Variants in COG5 observed in about 807,000 individuals in gnomAD.
COG5 encodes component of oligomeric golgi complex 5, also known as conserved oligomeric Golgi complex subunit 5.
In COG5, 86 loss-of-function variants were observed where a neutral mutation model predicts 110.4. The observed-to-expected ratio is 0.78, with a 90% confidence interval of 0.65 to 0.93. COG5 has a LOEUF of 0.93. Among genes scored for constraint, COG5 ranks in the 40% least tolerant of loss-of-function variants. COG5 has a pLI of 0.00. For synonymous variants in COG5, 360 were observed against 334.6 expected (o/e 1.08, Z -0.83); for missense variants, 1,077 against 987.0 (o/e 1.09, Z -1.22).
At chr7:107,387,348 A>C (rs1278997676) in intron 7 of COG5, among the ~76,000 whole-genome samples, 1 of 152,112 alleles carries the variant, frequency 6.6e-6, no homozygotes, top group Non-Finnish European at 1.5e-5. Flanking sequence ...GGGAAGGTCC[A>C]CCCAGCCAGC....
intron 19 of COG5, among the ~76,000 whole-genome samples, chr7:107,229,644 C>T (rs999862274): frequency 3.9e-5 from 6 of 152,130 alleles, no homozygotes; most frequent in Non-Finnish European, 7.4e-5. Context: ...TCAGCACTGA[C>T]AAGGACTTTT....
At chr7:107,300,592 T>C (rs1195971227) in intron 11 of COG5, among the ~76,000 whole-genome samples, 1 of 152,122 alleles carries the variant, frequency 6.6e-6, no homozygotes, top group Non-Finnish European at 1.5e-5. Flanking sequence ...ACTAAAAATA[T>C]GAAATACATA....
intron 5 of COG5, among the ~76,000 whole-genome samples, chr7:107,531,257 A>G (rs1337788170): frequency 1.3e-5 from 2 of 152,062 alleles, no homozygotes; most frequent in East Asian, 3.9e-4. Context: ...TTACCTGTAA[A>G]TTAGTAGTTG....
intron 12 of COG5, among the ~76,000 whole-genome samples, chr7:107,296,131 C>T (rs1340428472): frequency 6.6e-6 from 1 of 151,280 alleles, no homozygotes; most frequent in African/African-American, 2.4e-5. Flanking sequence ...ACCTTCCTTC[C>T]TTCCTTCCTT....
At chr7:107,555,624 T>C (rs1173030815) in intron 2 of COG5, among the ~76,000 whole-genome samples, 1 of 152,230 alleles carries the variant, frequency 6.6e-6, no homozygotes, top group Non-Finnish European at 1.5e-5. Context: ...TCACTAGTAA[T>C]ACTTTGGTAA....
At chr7:107,489,055 C>T (rs555791475) in intron 6 of COG5, among the ~76,000 whole-genome samples, 1 of 152,140 alleles carries the variant, frequency 6.6e-6, no homozygotes, top group South Asian at 2.1e-4. Flanking sequence ...TTTCTTGTAT[C>T]TGTAATTAGG....
At chr7:107,402,229 GTCT>G (rs1791487560) in intron 7 of COG5, among the ~76,000 whole-genome samples, 1 of 152,128 alleles carries the variant, frequency 6.6e-6, no homozygotes, top group African/African-American at 2.4e-5. Flanking sequence ...GACCAAGAAG[GTCT>G]TCTGCTTTAG....
At chr7:107,535,931 A>C (rs1331458369) in intron 5 of COG5, among the ~76,000 whole-genome samples, 3 of 152,232 alleles carry the variant, frequency 2.0e-5, no homozygotes, top group African/African-American at 7.2e-5. Flanking sequence ...AACTGAATCC[A>C]GCAGCACATT....
intron 19 of COG5, among the ~76,000 whole-genome samples, chr7:107,220,755 T>C (rs1221667554): frequency 6.6e-6 from 1 of 151,376 alleles, no homozygotes; most frequent in Non-Finnish European, 1.5e-5. Flanking sequence ...GTAGGTCTGG[T>C]GTGCCCAGGC....
At chr7:107,396,065 T>A (rs1016550036) in intron 7 of COG5, among the ~76,000 whole-genome samples, 3 of 152,170 alleles carry the variant, frequency 2.0e-5, no homozygotes, top group Admixed American at 1.3e-4. Context: ...GACAAAATAT[T>A]TAAGGCAGCT....
chr7:107,258,126 A>C, intron 15 of COG5, 147 bp downstream of exon 15: 1 of 625,046 alleles, frequency 1.6e-6, no homozygotes, highest in South Asian at 2.0e-5. Context: ...AGACTGTTTA[A>C]AAGAGTTAAC....
intron 7 of COG5, among the ~76,000 whole-genome samples, chr7:107,387,546 C>T (rs937362805): frequency 2.6e-5 from 4 of 152,242 alleles, no homozygotes; most frequent in Non-Finnish European, 5.9e-5. Flanking sequence ...AGACCTATTT[C>T]TGATGATGGC....
chr7:107,381,037 T>C (rs1407760491), intron 7 of COG5, among the ~76,000 whole-genome samples: 1 of 152,126 alleles, frequency 6.6e-6, no homozygotes, highest in African/African-American at 2.4e-5. Context: ...AATTCCCACA[T>C]AAATTGTGGG....
At position 107,204,596 on chromosome 7, in the gene COG5, A is replaced by G. The variant is rs957128811; in HGVS notation, c.2376-966T>C. 3.9e-5 allele frequency among the ~76,000 whole-genome samples: 6 copies of G among 152,242 alleles called. No individual in the cohort carries two copies. The East Asian group carries it at 1.2e-3, about 29-fold the overall frequency. ...TACCATTACTCAGCTCACATACGAT[A>G]GCACTTAAGTGGTTTTCTTTTGCTC... is the stretch of plus-strand genomic sequence containing the variant. On this transcript the variant is annotated intron_variant, in intron 21 of 21. Transcript: ENST00000297135.
chr7:107,462,392 G>A (rs1436452055), intron 6 of COG5, among the ~76,000 whole-genome samples: 1 of 152,104 alleles, frequency 6.6e-6, no homozygotes, highest in Non-Finnish European at 1.5e-5. Context: ...CTGAGTGTAT[G>A]GTGAAAGGCC....
At chr7:107,339,081 C>T (rs753645393) in intron 10 of COG5, among the ~76,000 whole-genome samples, 11 of 151,978 alleles carry the variant, frequency 7.2e-5, no homozygotes, top group Non-Finnish European at 1.3e-4. Flanking sequence ...CACAGAATTG[C>T]AAATTGGGTA....
At chr7:107,408,553 T>C (rs1792032968) in intron 7 of COG5, among the ~76,000 whole-genome samples, 1 of 152,246 alleles carries the variant, frequency 6.6e-6, no homozygotes, top group East Asian at 1.9e-4. Flanking sequence ...CAGATATGAC[T>C]AATGTTCCAT....
intron 10 of COG5, among the ~76,000 whole-genome samples, chr7:107,341,260 T>C (rs955722053): frequency 6.6e-6 from 1 of 152,076 alleles, no homozygotes; most frequent in African/African-American, 2.4e-5. Flanking sequence ...AAATGAAGAA[T>C]GTAATCCCAT....
intron 6 of COG5, among the ~76,000 whole-genome samples, chr7:107,486,846 T>C (rs1797682984): frequency 6.6e-6 from 1 of 152,162 alleles, no homozygotes; most frequent in Non-Finnish European, 1.5e-5. Context: ...TGCTTAACCA[T>C]TCCCAAAGAC....
Sources: gnomAD v4.1 joint callset for allele counts (sites outside exome capture counted in the v4.1 genomes callset) on GRCh38, gnomAD v4.1.1 for gene constraint, MANE v1.5 for transcripts, NCBI Gene and HGNC (gene_info 2026-07-23, HGNC 2026-07-21) for gene names.